The following BCL11B variants were observed in gnomAD, a reference collection of about 807,000 sequenced individuals.
BCL11B encodes B-cell lymphoma/leukemia 11B.
BCL11B carries 8 observed loss-of-function variants against 49.9 expected under a neutral mutation model. The observed-to-expected ratio is 0.16, with a 90% confidence interval of 0.09 to 0.29. The LOEUF is 0.29. Among genes scored for constraint, BCL11B ranks in the 10% least tolerant of loss-of-function variants. The probability of loss-of-function intolerance (pLI) is 1.00; values close to 1 mark genes in which losing one functional copy is unlikely to be tolerated. For synonymous variants in BCL11B, 739 were observed against 637.4 expected (o/e 1.16, Z -2.40); for missense variants, 1,006 against 1,351.0 (o/e 0.74, Z 4.00).
intron 3 of BCL11B, among the ~76,000 whole-genome samples, chr14:99,198,984 G>A (rs538036611): frequency 1.1e-4 from 16 of 152,210 alleles, no homozygotes; most frequent in East Asian, 3.9e-4. Context: ...ACTTGCTCAC[G>A]GCGAGGGACG....
In BCL11B at chr14:99,175,613, G is replaced by A. The variant is rs1452791078; in HGVS notation, c.1223C>T (p.Pro408Leu). ...GCCGCCAGGGGGCATGGGCGGCAGC[G>A]GCGGCGTGCTCAGGAACGGGGACTT... ...SPKSPFLSTPPLPPMPPGGTP... is the reference protein window; with the variant it reads ...SPKSPFLSTPLLPPMPPGGTP... Residue 408 changes from proline (P) to leucine (L), a missense_variant, in exon 4 of 4, where the codon CCG becomes CTG. By Grantham distance (98) the Pro-to-Leu change is moderately conservative (BLOSUM62 -3). This residue lies in a region of BCL11B where 97 missense variants were observed against 81.5 expected (regional missense o/e 1.19). Transcript: ENST00000357195. 2 of 1,563,920 alleles carry A rather than the reference G, an allele frequency of 1.3e-6. No homozygotes were observed. Among genetic ancestry groups the A allele is most frequent in the Non-Finnish European group, 1.7e-6 (2 of 1,161,886 alleles).
Position 99,192,047 on chromosome 14 carries a change from C to T in BCL11B, c.641-15852G>A, listed in dbSNP as rs1309122940. Among the ~76,000 whole-genome samples the T allele has an allele frequency of 2.0e-5, 3 of 152,078 alleles. No individual in the cohort carries two copies. The highest frequency in any genetic ancestry group is 2.9e-5 in the Non-Finnish European group (2 of 68,016). ...TACAATTAAGGGACGCTCAGAATCC[C>T]GAGGCCTTCAAGAACGTGCTAGCTC... On this transcript the variant is annotated intron_variant, in intron 3 of 3. Coordinates refer to ENST00000357195, the MANE Select transcript of BCL11B (RefSeq NM_138576.4). This position sits in a 1 kb window ranked among gnomAD's most constrained non-coding sequence, Gnocchi z 4.0.
chr14:99,207,641 T>C (rs1887570781), intron 3 of BCL11B, among the ~76,000 whole-genome samples: 1 of 152,180 alleles, frequency 6.6e-6, no homozygotes, highest in Non-Finnish European at 1.5e-5. Flanking sequence ...AAAGAGGATG[T>C]GACATGACTT....
chr14:99,221,152 G>A (rs1329192397), intron 3 of BCL11B, among the ~76,000 whole-genome samples: 2 of 152,138 alleles, frequency 1.3e-5, no homozygotes, highest in South Asian at 2.1e-4. Flanking sequence ...CACCGCGACT[G>A]GCCTGATCAA....
chr14:99,203,432 C>G (rs1021684498), intron 3 of BCL11B, among the ~76,000 whole-genome samples: 6 of 152,122 alleles, frequency 3.9e-5, no homozygotes, highest in African/African-American at 1.4e-4. Flanking sequence ...GAATCCAGAA[C>G]TTTAATTTCT....
intron 3 of BCL11B, among the ~76,000 whole-genome samples, chr14:99,208,567 C>T (rs1457550399): frequency 1.3e-5 from 2 of 152,176 alleles, no homozygotes; most frequent in Admixed American, 6.5e-5. Flanking sequence ...CAAGCAAGAC[C>T]GAGCACGGGG....
At position 99,257,944 on chromosome 14, in the gene BCL11B, C is replaced by T. The variant is rs1169451820; in HGVS notation, c.59-105G>A. The T allele has an allele frequency of 3.8e-6, 5 of 1,331,020 alleles. No individual in the cohort carries two copies. Among genetic ancestry groups the T allele is most frequent in the Non-Finnish European group, 4.9e-6 (5 of 1,014,964 alleles). 82.5% of individuals were successfully genotyped at this position (1,331,020 alleles called of 1,614,324 possible). On this transcript the variant is annotated intron_variant, in intron 1 of 3. Transcript: ENST00000357195. The surrounding 1 kb of genome is among the most constrained non-coding windows in gnomAD (Gnocchi z 6.2). The stretch of plus-strand genomic sequence containing the variant: ...CACCCCTTCCCCGCCAAGAAGCAGC[C>T]CCCTCTGCTGCTGGCTGCCAGAGCT...
At chr14:99,177,702 AG>A (rs1886580216) in intron 3 of BCL11B, among the ~76,000 whole-genome samples, 2 of 151,616 alleles carry the variant, frequency 1.3e-5, no homozygotes, top group Non-Finnish European at 2.9e-5. Context: ...GCTCTGGTGA[AG>A]TCAAACGTGC....
intron 1 of BCL11B, among the ~76,000 whole-genome samples, chr14:99,267,554 C>CG (rs1555385121): frequency 1.4e-5 from 2 of 139,306 alleles, no homozygotes; most frequent in African/African-American, 5.4e-5. Context: ...ACCCCCCCCC[C>CG]ACCAACTAAC....
At chr14:99,264,321 A>G (rs899425238) in intron 1 of BCL11B, 1 of 150,166 alleles carries the variant, frequency 6.7e-6, no homozygotes, top group Non-Finnish European at 1.5e-5. Flanking sequence ...TTAGCAGTGC[A>G]TCCATTTCTG....
In BCL11B at chr14:99,265,443, C is replaced by T. The variant is rs116112087; in HGVS notation, c.58+5718G>A. Among the ~76,000 whole-genome samples the T allele has an allele frequency of 5.2e-3, 798 of 152,280 alleles. 4 individuals are homozygous for T. The highest frequency in any genetic ancestry group is 0.018 in the African/African-American group (756 of 41,550). On this transcript the variant is annotated intron_variant, in intron 1 of 3. Coordinates refer to ENST00000357195, the MANE Select transcript of BCL11B (RefSeq NM_138576.4). The stretch of plus-strand genomic sequence containing the variant: ...ATGGGAGATGAAGGAGAGTCTCCAA[C>T]GGACAAGAACCTGACCCCCTCCCAT...
chr14:99,249,282 C>CT (rs1246805512), intron 2 of BCL11B, among the ~76,000 whole-genome samples: 1 of 152,172 alleles, frequency 6.6e-6, no homozygotes, highest in Non-Finnish European at 1.5e-5. Context: ...AGCCTGTCCT[C>CT]TTTTTTTATT....
chr14:99,249,399 G>A (rs1196769176), intron 2 of BCL11B, among the ~76,000 whole-genome samples: 1 of 152,176 alleles, frequency 6.6e-6, no homozygotes, highest in Non-Finnish European at 1.5e-5. Flanking sequence ...CCATCGCCTA[G>A]GTATTAAGCC....
intron 3 of BCL11B, among the ~76,000 whole-genome samples, chr14:99,216,045 AGTTAT>A (rs1215076604): frequency 6.6e-6 from 1 of 152,230 alleles, no homozygotes; most frequent in Admixed American, 6.5e-5. Flanking sequence ...TAATAATCAT[AGTTAT>A]AACAACGATA....
At chr14:99,199,684 G>GCGCA (rs58932208) in intron 3 of BCL11B, among the ~76,000 whole-genome samples, 3 of 46,728 alleles carry the variant, frequency 6.4e-5, no homozygotes, top group Non-Finnish European at 1.9e-4. Flanking sequence ...GTGTGTGTGT[G>GCGCA]CGCGCGCGCG....
chr14:99,230,208 G>C (rs912433244), intron 3 of BCL11B, among the ~76,000 whole-genome samples: 1 of 152,216 alleles, frequency 6.6e-6, no homozygotes, highest in Non-Finnish European at 1.5e-5. Context: ...CAGAGCTGTG[G>C]CCATGGCTTT....
chr14:99,234,855 C>CAA (rs34831762), intron 2 of BCL11B, among the ~76,000 whole-genome samples: 888 of 65,416 alleles, frequency 0.014, 9 homozygotes, highest in African/African-American at 0.021. Context: ...GGTCTATGCA[C>CAA]AAAAAAAAAA....
In BCL11B at chr14:99,229,039, GATGC is replaced by G. The variant is rs1308069096; in HGVS notation, c.640+2302_640+2305del. The stretch of plus-strand genomic sequence containing the variant: ...GGATGGATGGATGGATGGATGGATG[GATGC>G]ATGGATGGATGGATGGATGGATGGA... On this transcript the variant is annotated intron_variant, in intron 3 of 3. Coordinates refer to ENST00000357195, the MANE Select transcript of BCL11B (RefSeq NM_138576.4). 9.2e-3 allele frequency among the ~76,000 whole-genome samples: 1,016 copies of G among 110,418 alleles called. 11 individuals carry two copies. The highest frequency in any genetic ancestry group is 0.028 in the African/African-American group (743 of 26,606). 72.4% of individuals were successfully genotyped at this position (110,418 alleles called of 152,430 possible). A position where few individuals can be genotyped will look rare whatever the true frequency, so the allele number is the denominator to read the frequency against.
At chr14:99,200,807 C>T (rs767803693) in intron 3 of BCL11B, among the ~76,000 whole-genome samples, 5 of 152,204 alleles carry the variant, frequency 3.3e-5, no homozygotes, top group Non-Finnish European at 5.9e-5. Context: ...GACTGCCCTG[C>T]GTGTGGCTCA....
Sources: allele counts gnomAD v4.1 joint callset (sites outside exome capture counted in the v4.1 genomes callset), GRCh38; gene constraint gnomAD v4.1.1; regional missense constraint gnomAD v4.1.1; non-coding constraint Gnocchi (gnomAD v3.1); transcripts MANE v1.5; gene names NCBI Gene and HGNC (gene_info 2026-07-23, HGNC 2026-07-21).